The following GPC4 variants were observed in gnomAD, a reference collection of about 807,000 sequenced individuals.
The protein encoded by GPC4 is glypican-4.
A neutral mutation model predicts 35.0 loss-of-function variants in GPC4; 10 were observed. That is an observed-to-expected ratio of 0.29 (90% CI 0.18 to 0.48). The LOEUF is 0.48. Among genes scored for constraint, GPC4 ranks in the 20% least tolerant of loss-of-function variants. The pLI is 0.99. For synonymous variants in GPC4, 167 were observed against 170.2 expected (o/e 0.98, Z 0.15); for missense variants, 322 against 451.3 (o/e 0.71, Z 2.60).
chrX:133,315,108 G>GT (rs768185435), intron 3 of GPC4, among the ~76,000 whole-genome samples: 3,528 of 93,891 alleles, frequency 0.038, 57 homozygotes, highest in Non-Finnish European at 0.046. Context: ...AAGTGTTTGG[G>GT]TTTTTTTTTT....
In GPC4 at chrX:133,319,443, CAAAAAAAA is replaced by C. The variant is rs369290840; in HGVS notation, c.711+4694_711+4701del. Among the ~76,000 whole-genome samples, 71 of 16,882 alleles carry C rather than the reference CAAAAAAAA, an allele frequency of 4.2e-3. No homozygotes were observed. The East Asian group carries it at 0.1, about 24-fold the overall frequency. 14.7% of individuals were successfully genotyped at this position (16,882 alleles called of 115,157 possible). ...TGGGTGACAGAGCAAGACCCTATGT[CAAAAAAAA>C]AAAAAAAAAAAAAAAAAAAAGAAAG... On this transcript the variant is annotated intron_variant, in intron 3 of 8. Coordinates refer to ENST00000370828, the MANE Select transcript of GPC4 (RefSeq NM_001448.3).
chrX:133,362,188 T>G (rs767996901), intron 1 of GPC4, among the ~76,000 whole-genome samples: 45 of 106,053 alleles, frequency 4.2e-4, no homozygotes, highest in Non-Finnish European at 6.2e-4. Flanking sequence ...CACTCCAGCC[T>G]GGGTGACAGA....
At chrX:133,384,735 G>T (rs1182432156) in intron 1 of GPC4, among the ~76,000 whole-genome samples, 1 of 112,006 alleles carries the variant, frequency 8.9e-6, no homozygotes, top group African/African-American at 3.2e-5. Flanking sequence ...AAGACAGTCA[G>T]ATCTCAGGCA....
intron 1 of GPC4, among the ~76,000 whole-genome samples, chrX:133,394,155 C>A (rs1174631548): frequency 9.1e-6 from 1 of 109,775 alleles, no homozygotes; most frequent in African/African-American, 3.3e-5. Context: ...CCTTTAATCC[C>A]ACATACATGG....
intron 1 of GPC4, among the ~76,000 whole-genome samples, chrX:133,370,772 A>G (rs984364197): frequency 9.0e-6 from 1 of 111,505 alleles, no homozygotes; most frequent in African/African-American, 3.3e-5. Flanking sequence ...CTAGTTCTAC[A>G]TTCAGAAAAA....
At chrX:133,334,810 AGAC>A (rs769799086) in intron 2 of GPC4, among the ~76,000 whole-genome samples, 2 of 112,160 alleles carry the variant, frequency 1.8e-5, no homozygotes, top group East Asian at 5.6e-4. Context: ...GACTAGCATC[AGAC>A]AACAACCATT....
rs1287362283 is a variant in GPC4 at position 133,303,216 on chromosome X, C to T, written c.1418G>A (p.Ser473Asn). The T allele has an allele frequency of 8.3e-7, 1 of 1,211,579 alleles. No individual in the cohort carries two copies. Among genetic ancestry groups the T allele is most frequent in the Non-Finnish European group, 1.1e-6 (1 of 895,345 alleles). Residue 473 changes from serine to asparagine, a missense_variant, in exon 8 of 9, where the codon AGC becomes AAC. Ser to Asn is a conservative substitution (Grantham distance 46, BLOSUM62 1). Coordinates refer to ENST00000370828, the MANE Select transcript of GPC4 (RefSeq NM_001448.3). ...RQIMALRVMTSKMKNAYNGND... is the reference protein window; with the variant it reads ...RQIMALRVMTNKMKNAYNGND... ...CCCATTGTATGCATTCTTCATCTTG[C>T]TGGTCATCACTCGAAGAGCCATGAT...
chrX:133,334,594 T>C (rs1021645452), intron 2 of GPC4, among the ~76,000 whole-genome samples: 1 of 111,082 alleles, frequency 9.0e-6, no homozygotes, highest in African/African-American at 3.3e-5. Context: ...TTCACAGAAT[T>C]GGTAGGATTG....
intron 3 of GPC4, among the ~76,000 whole-genome samples, chrX:133,317,656 T>G (rs954135542): frequency 1.8e-5 from 2 of 111,815 alleles, no homozygotes; most frequent in Admixed American, 9.6e-5. Context: ...ATTGCACTAT[T>G]TTTTTGTTTT....
chrX:133,320,854 A>C (rs766962644), intron 3 of GPC4, among the ~76,000 whole-genome samples: 34 of 108,997 alleles, frequency 3.1e-4, no homozygotes, highest in African/African-American at 6.4e-4. Flanking sequence ...CAAAAAACAA[A>C]CAACCAACCA....
chrX:133,370,143 A>C (rs1191745813), intron 1 of GPC4, among the ~76,000 whole-genome samples: 1 of 111,859 alleles, frequency 8.9e-6, no homozygotes, highest in Non-Finnish European at 1.9e-5. Flanking sequence ...AAACCCACCC[A>C]CATTGCTTCA....
intron 1 of GPC4, among the ~76,000 whole-genome samples, chrX:133,386,947 T>C (rs1480556692): frequency 9.0e-6 from 1 of 111,526 alleles, no homozygotes; most frequent in African/African-American, 3.3e-5. Context: ...CAGAAGCCCA[T>C]AGTCCCTCCC....
At chrX:133,330,114 T>A (rs2068412523) in intron 2 of GPC4, among the ~76,000 whole-genome samples, 1 of 111,708 alleles carries the variant, frequency 9.0e-6, no homozygotes, top group Admixed American at 9.6e-5. Flanking sequence ...CCTTTTCATT[T>A]GATCCATTTT....
At chrX:133,350,306 T>C (rs1412353200) in intron 1 of GPC4, among the ~76,000 whole-genome samples, 1 of 110,929 alleles carries the variant, frequency 9.0e-6, no homozygotes. Context: ...GAGGATCGCT[T>C]CAGCCCATGA....
intron 3 of GPC4, among the ~76,000 whole-genome samples, chrX:133,320,692 CT>C (rs768700669): frequency 1.9e-5 from 2 of 103,368 alleles, no homozygotes; most frequent in East Asian, 3.0e-4. Context: ...GACAGGGGAT[CT>C]TTTTTTTTCT....
intron 1 of GPC4, among the ~76,000 whole-genome samples, chrX:133,348,410 A>G (rs1449289011): frequency 8.9e-6 from 1 of 112,278 alleles, no homozygotes; most frequent in Non-Finnish European, 1.9e-5. Context: ...CTAGTGATTA[A>G]CCCAAAACTC....
chrX:133,344,191 G>GTTTTTTT (rs747976050), intron 1 of GPC4, among the ~76,000 whole-genome samples: 10 of 38,883 alleles, frequency 2.6e-4, no homozygotes, highest in Non-Finnish European at 3.6e-4. Context: ...TTTCTTTCTG[G>GTTTTTTT]TTTTTTTTTT....
At chrX:133,326,057 T>G (rs1024971806) in intron 2 of GPC4, among the ~76,000 whole-genome samples, 8 of 110,142 alleles carry the variant, frequency 7.3e-5, no homozygotes, top group Non-Finnish European at 1.5e-4. Context: ...CCTTTTCCTT[T>G]TATCTAGTTC....
At chrX:133,317,380 T>C (rs773432228) in intron 3 of GPC4, among the ~76,000 whole-genome samples, 2 of 111,396 alleles carry the variant, frequency 1.8e-5, no homozygotes, top group South Asian at 3.8e-4. Context: ...ATATCTGCTA[T>C]AAAAAGCCTT....
Sources: allele counts gnomAD v4.1 joint callset (sites outside exome capture counted in the v4.1 genomes callset), GRCh38; gene constraint gnomAD v4.1.1; transcripts MANE v1.5; gene names NCBI Gene and HGNC (gene_info 2026-07-23, HGNC 2026-07-21).